Variants in NAALADL2 observed in about 807,000 individuals in gnomAD.
The protein encoded by NAALADL2 is N-acetylated alpha-linked acidic dipeptidase like 2, also known as inactive N-acetylated-alpha-linked acidic dipeptidase-like protein 2.
In NAALADL2, 76 loss-of-function variants were observed where a neutral mutation model predicts 87.2. That is an observed-to-expected ratio of 0.87 (90% CI 0.72 to 1.05). The LOEUF is 1.05. Ranked by LOEUF, NAALADL2 falls within the 50% of genes least tolerant of loss-of-function variation. The pLI, the probability that NAALADL2 is intolerant of heterozygous loss-of-function variation, is 0.00. For synonymous variants in NAALADL2, 354 were observed against 331.0 expected (o/e 1.07, Z -0.75); for missense variants, 1,089 against 945.8 (o/e 1.15, Z -1.99).
intron 5 of NAALADL2, among the ~76,000 whole-genome samples, chr3:175,332,372 G>C (rs1270694015): frequency 2.6e-5 from 4 of 152,124 alleles, no homozygotes; most frequent in African/African-American, 9.7e-5. Context: ...TATAAAAACA[G>C]AAACACTACA....
chr3:175,090,806 T>C (rs1719953858), intron 1 of NAALADL2, among the ~76,000 whole-genome samples: 1 of 152,102 alleles, frequency 6.6e-6, no homozygotes, highest in Admixed American at 6.6e-5. Context: ...CAAATAATAA[T>C]TTCCTTTAGT....
At chr3:175,479,353 A>T (rs1200267824) in intron 9 of NAALADL2, among the ~76,000 whole-genome samples, 2 of 151,846 alleles carry the variant, frequency 1.3e-5, no homozygotes, top group Non-Finnish European at 1.5e-5. Flanking sequence ...GCGCATTATG[A>T]AAGGTATACA....
intron 3 of NAALADL2, among the ~76,000 whole-genome samples, chr3:174,829,435 G>C (rs1204401630): frequency 0.012 from 1,758 of 145,496 alleles, 44 homozygotes; most frequent in African/African-American, 0.044. Context: ...TCCCTACAAA[G>C]GACATGAACT....
At chr3:175,308,366 C>T (rs1475666278) in intron 4 of NAALADL2, among the ~76,000 whole-genome samples, 1 of 152,150 alleles carries the variant, frequency 6.6e-6, no homozygotes, top group African/African-American at 2.4e-5. Context: ...AGACGTTAAA[C>T]TGCGTATGTT....
At chr3:174,739,746 G>C (rs1409963992) in intron 3 of NAALADL2, among the ~76,000 whole-genome samples, 1 of 152,022 alleles carries the variant, frequency 6.6e-6, no homozygotes, top group Non-Finnish European at 1.5e-5. Context: ...TTGCTTTCCA[G>C]TTCTTTGATA....
chr3:175,176,005 T>C (rs988743032), intron 2 of NAALADL2, among the ~76,000 whole-genome samples: 1 of 152,144 alleles, frequency 6.6e-6, no homozygotes, highest in Non-Finnish European at 1.5e-5. Flanking sequence ...GGAAATTGTT[T>C]TGAAAAGACT....
intron 13 of NAALADL2, among the ~76,000 whole-genome samples, chr3:175,762,252 C>G (rs2150151909): frequency 8.3e-6 from 1 of 120,902 alleles, no homozygotes; most frequent in East Asian, 2.8e-4. Flanking sequence ...TTAAGACTCT[C>G]TTTTCTCTGT....
chr3:175,422,625 C>G (rs73033656), intron 5 of NAALADL2, among the ~76,000 whole-genome samples: 18 of 151,992 alleles, frequency 1.2e-4, no homozygotes, highest in African/African-American at 4.1e-4. Flanking sequence ...TAAACCAGAA[C>G]GTGATGTGCA....
chr3:175,195,700 A>G (rs1738884229), intron 2 of NAALADL2, among the ~76,000 whole-genome samples: 1 of 151,942 alleles, frequency 6.6e-6, no homozygotes, highest in Non-Finnish European at 1.5e-5. Context: ...ATCTATCAGA[A>G]GGACATTTAT....
intron 4 of NAALADL2, among the ~76,000 whole-genome samples, chr3:175,259,100 C>A (rs1750576554): frequency 3.9e-5 from 6 of 152,182 alleles, no homozygotes; most frequent in Admixed American, 3.9e-4. Context: ...CCCAGGAGAT[C>A]CAAAGGCAGC....
chr3:175,215,872 CAGAT>C (rs1184095442), intron 2 of NAALADL2, among the ~76,000 whole-genome samples: 8 of 152,214 alleles, frequency 5.3e-5, no homozygotes, highest in African/African-American at 1.7e-4. Context: ...TGGGTCTAGT[CAGAT>C]AGACAGGCTA....
At chr3:175,758,757 A>G (rs1161595358) in intron 13 of NAALADL2, among the ~76,000 whole-genome samples, 1 of 152,132 alleles carries the variant, frequency 6.6e-6, no homozygotes, top group African/African-American at 2.4e-5. Context: ...TGTTAATTAC[A>G]TTGTACAAAA....
intron 4 of NAALADL2, among the ~76,000 whole-genome samples, chr3:175,283,275 G>A (rs1179028837): frequency 1.3e-5 from 2 of 152,076 alleles, no homozygotes; most frequent in Non-Finnish European, 2.9e-5. Flanking sequence ...GAAGCACAAA[G>A]AAGCATGGAT....
intron 5 of NAALADL2, among the ~76,000 whole-genome samples, chr3:175,354,803 C>G (rs1161277105): frequency 6.6e-6 from 1 of 150,848 alleles, no homozygotes; most frequent in Non-Finnish European, 1.5e-5. Flanking sequence ...ACAATGTGTG[C>G]CACTATGCCC....
At chr3:174,483,437 C>A (rs996936407) in intron 1 of NAALADL2, among the ~76,000 whole-genome samples, 1 of 151,878 alleles carries the variant, frequency 6.6e-6, no homozygotes, top group Non-Finnish European at 1.5e-5. Context: ...ATGGGGAAAC[C>A]ACTCCCAGGA....
chr3:175,217,229 G>T (rs998026209), intron 2 of NAALADL2, among the ~76,000 whole-genome samples: 1 of 152,092 alleles, frequency 6.6e-6, no homozygotes, highest in Non-Finnish European at 1.5e-5. Context: ...ACTTACACAG[G>T]GAGGTATAAA....
chr3:175,592,111 G>C (rs1049006571), intron 10 of NAALADL2, among the ~76,000 whole-genome samples: 14 of 152,024 alleles, frequency 9.2e-5, no homozygotes, highest in Admixed American at 2.6e-4. Flanking sequence ...AAAATCATCC[G>C]TTGATTGGCT....
chr3:175,135,207 T>G (rs542595712), intron 2 of NAALADL2, among the ~76,000 whole-genome samples: 1 of 152,320 alleles, frequency 6.6e-6, no homozygotes, highest in South Asian at 2.1e-4. Flanking sequence ...CTGGGAGGAA[T>G]GAGTTAATTC....
chr3:175,500,428 C>T (rs564851427), intron 9 of NAALADL2, among the ~76,000 whole-genome samples: 1 of 151,320 alleles, frequency 6.6e-6, no homozygotes, highest in East Asian at 1.9e-4. Context: ...TGGATAAGGG[C>T]CTTCTTTGGG....
Sources: gnomAD v4.1 joint callset for allele counts (sites outside exome capture counted in the v4.1 genomes callset) on GRCh38, gnomAD v4.1.1 for gene constraint, MANE v1.5 for transcripts, NCBI Gene and HGNC (gene_info 2026-07-23, HGNC 2026-07-21) for gene names.